The following DTNA variants were observed in gnomAD, a reference collection of about 807,000 sequenced individuals.
The protein encoded by DTNA is dystrophin-related protein 3.
In DTNA, 43 loss-of-function variants were observed where a neutral mutation model predicts 100.7. That is an observed-to-expected ratio of 0.43 (90% CI 0.33 to 0.55). DTNA has a LOEUF of 0.55. Ranked by LOEUF, DTNA falls within the 20% of genes least tolerant of loss-of-function variation. The pLI is 0.04. For missense variants in DTNA, 798 were observed against 953.9 expected, an observed-to-expected ratio of 0.84 and a Z score of 2.15; for synonymous variants, 349 against 347.9, an observed-to-expected ratio of 1.00 and a Z score of -0.04.
At chr18:34,832,762 T>C (rs1236696748) in intron 11 of DTNA, among the ~76,000 whole-genome samples, 1 of 152,222 alleles carries the variant, frequency 6.6e-6, no homozygotes, top group Non-Finnish European at 1.5e-5. Flanking sequence ...AGATGTAAGC[T>C]ATTGAAATCT....
chr18:34,593,867 A>G (rs2050037284), intron 1 of DTNA, among the ~76,000 whole-genome samples: 2 of 152,146 alleles, frequency 1.3e-5, no homozygotes, highest in South Asian at 4.1e-4. Flanking sequence ...TACTGTGTCT[A>G]TTATGCCATT....
At chr18:34,797,316 G>A (rs1376753288) in intron 4 of DTNA, among the ~76,000 whole-genome samples, 1 of 152,186 alleles carries the variant, frequency 6.6e-6, no homozygotes, top group Non-Finnish European at 1.5e-5. Flanking sequence ...GAATGGATGA[G>A]TGTGCCTGAG....
rs747746690 is a variant in DTNA at position 34,818,208 on chromosome 18, A to G, written c.754A>G (p.Met252Val). The change falls in exon 8 of 23, where the codon ATG becomes GTG. Residue 252 changes from methionine (M) to valine (V), a missense_variant. Around this residue, in one of 6 missense-constraint regions of DTNA, gnomAD observed 81 missense variants for 153.5 expected, o/e 0.53. Transcript: ENST00000444659. ...TTCCTACTGCCACAGTGAGAGTATG[A>G]TGGGATTTCGCTACCGATGCCAACA... is the stretch of plus-strand genomic sequence containing the variant. ...ECSYCHSESM[M>V]GFRYRCQQCH... The G allele has an allele frequency of 3.7e-6, 6 of 1,613,990 alleles. No individual in the cohort carries two copies.
intron 1 of DTNA, among the ~76,000 whole-genome samples, chr18:34,710,997 T>C (rs2082795089): frequency 6.6e-6 from 1 of 152,184 alleles, no homozygotes; most frequent in African/African-American, 2.4e-5. Context: ...TCCGGTTTTA[T>C]CTATATTTTT....
intron 1 of DTNA, among the ~76,000 whole-genome samples, chr18:34,753,361 A>ATTT (rs751756097): frequency 3.1e-5 from 3 of 96,900 alleles, no homozygotes; most frequent in African/African-American, 1.6e-4. Flanking sequence ...TTATTTATTT[A>ATTT]TTTTATTTTT....
intron 19 of DTNA, among the ~76,000 whole-genome samples, 191 bp from the exon 20 acceptor site, chr18:34,879,360 C>A (rs1019992167): frequency 6.6e-6 from 1 of 152,004 alleles, no homozygotes; most frequent in Non-Finnish European, 1.5e-5. Flanking sequence ...TGCTGTATAC[C>A]AAATGATTTT....
intron 12 of DTNA, among the ~76,000 whole-genome samples, 183 bp from the exon 13 acceptor site, chr18:34,838,562 C>G (rs572422447): frequency 6.6e-6 from 1 of 152,190 alleles, no homozygotes; most frequent in African/African-American, 2.4e-5. Context: ...TTAGTGAAAT[C>G]GAATTGTGGA....
chr18:34,587,655 C>T (rs2049277507), intron 1 of DTNA, among the ~76,000 whole-genome samples: 1 of 152,052 alleles, frequency 6.6e-6, no homozygotes. Flanking sequence ...AATAGTGGCC[C>T]TTGGTGGTGG....
chr18:34,588,437 G>T (rs548197616), intron 1 of DTNA, among the ~76,000 whole-genome samples: 5 of 151,952 alleles, frequency 3.3e-5, no homozygotes, highest in Admixed American at 6.6e-5. Context: ...CTCTTCTCTC[G>T]TTCTCACCAT....
At chr18:34,551,982 C>T (rs1482064919) in intron 1 of DTNA, among the ~76,000 whole-genome samples, 1 of 151,998 alleles carries the variant, frequency 6.6e-6, no homozygotes, top group Non-Finnish European at 1.5e-5. Flanking sequence ...CAGAATCTTT[C>T]CCCATGTTGT....
At chr18:34,684,985 T>C (rs1228399490) in intron 1 of DTNA, among the ~76,000 whole-genome samples, 1 of 152,234 alleles carries the variant, frequency 6.6e-6, no homozygotes, top group African/African-American at 2.4e-5. Flanking sequence ...GCCCACTTTT[T>C]GATGGGGTTG....
chr18:34,565,267 C>T (rs934105489), intron 1 of DTNA, among the ~76,000 whole-genome samples: 1 of 152,122 alleles, frequency 6.6e-6, no homozygotes, highest in Non-Finnish European at 1.5e-5. Flanking sequence ...CTACTATGTG[C>T]CAAGTATCAG....
intron 1 of DTNA, among the ~76,000 whole-genome samples, chr18:34,496,710 G>C (rs1190378860): frequency 6.6e-6 from 1 of 152,128 alleles, no homozygotes; most frequent in Non-Finnish European, 1.5e-5. Context: ...CTTGTAAGTT[G>C]AGCTAAGTTT....
At chr18:34,829,613 G>A (rs997852812) in intron 11 of DTNA, 124 bp downstream of exon 11, 1 of 1,001,834 alleles carries the variant, frequency 1.0e-6, no homozygotes, top group African/African-American at 1.6e-5. Context: ...GGTCTTCTGG[G>A]GTTTAATGAA....
At chr18:34,650,340 A>G (rs2060297571) in intron 1 of DTNA, among the ~76,000 whole-genome samples, 1 of 152,086 alleles carries the variant, frequency 6.6e-6, no homozygotes, top group Admixed American at 6.6e-5. Flanking sequence ...TCAAGGATGA[A>G]GTTCCAGATA....
chr18:34,605,913 G>T lies in DTNA; in HGVS notation c.-2+112399G>T, dbSNP rs114311326. On this transcript the variant is annotated intron_variant, in intron 1 of 19. Transcript: ENST00000283365. Reference sequence around the variant, plus strand: ...CAACTACTACCCAAAATCTCTCATTGATAAGTGGGTGATTTGGGCTGCTAT... The same window carrying T: ...CAACTACTACCCAAAATCTCTCATTTATAAGTGGGTGATTTGGGCTGCTAT... 3.6e-3 allele frequency among the ~76,000 whole-genome samples: 550 copies of T among 152,132 alleles called. 2 individuals carry two copies. The highest frequency in any genetic ancestry group is 0.012 in the African/African-American group (508 of 41,490).
At chr18:34,693,746 C>CTGTGTGTGTGTGTGTGTGTG (rs34072179) in intron 1 of DTNA, among the ~76,000 whole-genome samples, 12 of 143,110 alleles carry the variant, frequency 8.4e-5, no homozygotes, top group African/African-American at 3.1e-4. Flanking sequence ...CTTGTGTGCA[C>CTGTGTGTGTGTGTGTGTGTG]TGTGTGTGTG....
intron 3 of DTNA, among the ~76,000 whole-genome samples, chr18:34,779,338 G>C (rs1187162864): frequency 6.6e-6 from 1 of 152,160 alleles, no homozygotes; most frequent in Non-Finnish European, 1.5e-5. Context: ...CTCTATGCAT[G>C]ACATCTTACT....
At chr18:34,525,652 T>G (rs2042545952) in intron 1 of DTNA, among the ~76,000 whole-genome samples, 1 of 152,154 alleles carries the variant, frequency 6.6e-6, no homozygotes, top group Non-Finnish European at 1.5e-5. Context: ...GGTTCCACAA[T>G]TCAAGTAAAA....
Sources: allele counts gnomAD v4.1 joint callset (sites outside exome capture counted in the v4.1 genomes callset), GRCh38; gene constraint gnomAD v4.1.1; regional missense constraint gnomAD v4.1.1; transcripts MANE v1.5; gene names NCBI Gene and HGNC (gene_info 2026-07-23, HGNC 2026-07-21).